The following DNAJB6 variants were observed in gnomAD, a reference collection of about 807,000 sequenced individuals.
DNAJB6 encodes dnaJ homolog subfamily B member 6.
A neutral mutation model predicts 42.7 loss-of-function variants in DNAJB6; 16 were observed. The ratio of observed to expected loss-of-function variants is 0.37; its 90% CI spans 0.25 to 0.57. The LOEUF is 0.57. DNAJB6 is among the 20% of genes least tolerant of loss of function. The pLI, the probability that DNAJB6 is intolerant of heterozygous loss-of-function variation, is 0.74. For synonymous variants in DNAJB6, 170 were observed against 163.5 expected, an observed-to-expected ratio of 1.04 and a Z score of -0.30; for missense variants, 347 against 416.8, an observed-to-expected ratio of 0.83 and a Z score of 1.46.
intron 8 of DNAJB6, among the ~76,000 whole-genome samples, chr7:157,397,662 C>T (rs1056200118): frequency 2.0e-5 from 3 of 152,378 alleles, no homozygotes; most frequent in South Asian, 2.1e-4. Context: ...TCAGCCAGTG[C>T]GCTCTTGGAG....
chr7:157,346,880 G>T (rs1337986609), intron 1 of DNAJB6, among the ~76,000 whole-genome samples: 2 of 152,080 alleles, frequency 1.3e-5, no homozygotes, highest in African/African-American at 4.8e-5. Flanking sequence ...TCTTGAGATG[G>T]AGTCTTGCTC....
At chr7:157,378,175 TC>T (rs1415400796) in intron 5 of DNAJB6, 32 of 152,356 alleles carry the variant, frequency 2.1e-4, no homozygotes, top group East Asian at 1.5e-3. Context: ...ACAGCCACTT[TC>T]TTCCACTGCC....
chr7:157,353,583 C>CGG (rs1216868383), intron 1 of DNAJB6, among the ~76,000 whole-genome samples: 33 of 95,072 alleles, frequency 3.5e-4, no homozygotes, highest in African/African-American at 1.0e-3. Context: ...TTTTCTTGAC[C>CGG]GGGGTGTGTG....
At chr7:157,393,783 G>A (rs1428100415) in intron 8 of DNAJB6, among the ~76,000 whole-genome samples, 1 of 151,524 alleles carries the variant, frequency 6.6e-6, no homozygotes, top group Non-Finnish European at 1.5e-5. Flanking sequence ...AGTGGGTGAT[G>A]ATCAGATTGG....
intron 3 of DNAJB6, 46 bp from the exon 4 acceptor site, chr7:157,366,456 G>A (rs768888095): frequency 1.3e-6 from 2 of 1,544,678 alleles, no homozygotes; most frequent in Admixed American, 3.3e-5. Flanking sequence ...TTGAATTAAG[G>A]GTTTAAAAGG....
At chr7:157,389,312 A>G (rs1244205630) in intron 8 of DNAJB6, among the ~76,000 whole-genome samples, 5 of 152,240 alleles carry the variant, frequency 3.3e-5, no homozygotes, top group African/African-American at 1.2e-4. Context: ...AGAGGATTCA[A>G]CGGTAATAAA....
At chr7:157,362,560 G>A (rs751465899) in intron 2 of DNAJB6, among the ~76,000 whole-genome samples, 3 of 152,012 alleles carry the variant, frequency 2.0e-5, no homozygotes, top group Non-Finnish European at 4.4e-5. Flanking sequence ...TTTTAGTAGC[G>A]TTGGGGTTTC....
chr7:157,365,891 T>G (rs1799817578), intron 3 of DNAJB6, among the ~76,000 whole-genome samples: 1 of 151,968 alleles, frequency 6.6e-6, no homozygotes, highest in Non-Finnish European at 1.5e-5. Flanking sequence ...CTCGAACTCC[T>G]GACCTCAGGT....
chr7:157,397,475 T>C (rs1801646961), intron 8 of DNAJB6, among the ~76,000 whole-genome samples: 2 of 152,198 alleles, frequency 1.3e-5, no homozygotes, highest in African/African-American at 2.4e-5. Flanking sequence ...TGGGAATCTT[T>C]TGGCCTTTTG....
intron 1 of DNAJB6, among the ~76,000 whole-genome samples, chr7:157,354,636 G>C (rs1232527817): frequency 6.6e-6 from 1 of 152,102 alleles, no homozygotes; most frequent in African/African-American, 2.4e-5. Context: ...ACCGTGCCCA[G>C]CCAATATCTG....
intron 1 of DNAJB6, among the ~76,000 whole-genome samples, chr7:157,350,104 T>C (rs889318205): frequency 6.6e-6 from 1 of 152,210 alleles, no homozygotes; most frequent in African/African-American, 2.4e-5. Flanking sequence ...TTATTGTTAA[T>C]TGTAGCATCC....
intron 8 of DNAJB6, among the ~76,000 whole-genome samples, chr7:157,405,364 G>C (rs1365785116): frequency 6.6e-5 from 10 of 152,194 alleles, no homozygotes; most frequent in Non-Finnish European, 5.9e-5. Flanking sequence ...GCGTGAGGCT[G>C]GCTTGTTCCG....
intron 8 of DNAJB6, among the ~76,000 whole-genome samples, chr7:157,390,318 C>T (rs1249345590): frequency 1.3e-5 from 2 of 152,260 alleles, no homozygotes; most frequent in East Asian, 1.9e-4. Context: ...CTCCTGGGAG[C>T]CCTGACTAGC....
chr7:157,342,961 T>C lies in DNAJB6; in HGVS notation c.-27+5817T>C, dbSNP rs539304051. 4.0e-4 allele frequency among the ~76,000 whole-genome samples: 60 copies of C among 148,278 alleles called. 1 individual carries two copies. The South Asian group carries it at 0.012, about 28-fold the overall frequency. On this transcript the variant is annotated intron_variant, in intron 1 of 9. Coordinates refer to ENST00000262177, the MANE Select transcript of DNAJB6 (RefSeq NM_058246.4). ...ATTCACTGCTGTGGGTTTTTTTTTT[T>C]CCTACCTGTCTGTACTTTTTTTGTT...
intron 3 of DNAJB6, 55 bp downstream of exon 3, chr7:157,363,325 T>C (rs1799697501): frequency 8.2e-7 from 1 of 1,219,612 alleles, no homozygotes; most frequent in East Asian, 2.4e-5. Flanking sequence ...GAATGCGGAG[T>C]GGGTGTTGGG....
At chr7:157,386,281 T>C in intron 8 of DNAJB6, 1 of 983,210 alleles carries the variant, frequency 1.0e-6, no homozygotes, top group African/African-American at 1.8e-5. Flanking sequence ...AAAAAGAAAA[T>C]AAATGCGAAT....
intron 8 of DNAJB6, among the ~76,000 whole-genome samples, chr7:157,395,149 T>C (rs1801523161): frequency 6.6e-6 from 1 of 152,128 alleles, no homozygotes; most frequent in African/African-American, 2.4e-5. Flanking sequence ...TAGCTGTTTG[T>C]CTTCCCCATC....
intron 8 of DNAJB6, among the ~76,000 whole-genome samples, chr7:157,403,022 G>T (rs1212451517): frequency 1.3e-5 from 2 of 152,100 alleles, no homozygotes; most frequent in African/African-American, 4.8e-5. Flanking sequence ...GCCCGAGGTG[G>T]TCGGGGCGCG....
rs972498518 is a variant in DNAJB6, at chr7:157,416,192, C to T, written c.*94C>T. On this transcript the variant is annotated 3_prime_UTR_variant, in exon 10 of 10. Coordinates refer to ENST00000262177, the MANE Select transcript of DNAJB6 (RefSeq NM_058246.4). The stretch of plus-strand genomic sequence containing the variant: ...ACACGCGCTAGGTAGCAGCGTCGGT[C>T]AGGACTGTCTCGAGGCCACACTCGC... The T allele has an allele frequency of 6.5e-7, 1 of 1,541,224 alleles. No individual in the cohort carries two copies. Among genetic ancestry groups the T allele is most frequent in the Non-Finnish European group, 8.8e-7 (1 of 1,139,382 alleles).
Sources: allele counts gnomAD v4.1 joint callset (sites outside exome capture counted in the v4.1 genomes callset), GRCh38; gene constraint gnomAD v4.1.1; transcripts MANE v1.5; gene names NCBI Gene and HGNC (gene_info 2026-07-23, HGNC 2026-07-21).